Variants in SRBD1 observed in about 807,000 individuals in gnomAD.
SRBD1 encodes the protein S1 RNA-binding domain-containing protein 1.
In SRBD1, 88 loss-of-function variants were observed where a neutral mutation model predicts 115.3. That is an observed-to-expected ratio of 0.76 (90% CI 0.64 to 0.91). SRBD1 has a LOEUF of 0.91. SRBD1 is among the 40% of genes least tolerant of loss of function. The pLI, the probability that SRBD1 is intolerant of heterozygous loss-of-function variation, is 0.00. For missense variants in SRBD1, 1,385 were observed against 1,177.4 expected, an observed-to-expected ratio of 1.18 and a Z score of -2.58; for synonymous variants, 509 against 407.7, an observed-to-expected ratio of 1.25 and a Z score of -2.99.
chr2:45,412,367 T>C (rs959449063), intron 19 of SRBD1, among the ~76,000 whole-genome samples: 10 of 152,092 alleles, frequency 6.6e-5, no homozygotes, highest in African/African-American at 2.4e-4. Context: ...TATAATATAC[T>C]ATAGTCTTTT....
intron 14 of SRBD1, among the ~76,000 whole-genome samples, chr2:45,523,775 C>T (rs1671359177): frequency 6.6e-6 from 1 of 151,708 alleles, no homozygotes. Context: ...AATATCAATT[C>T]ACAAACTCTT....
intron 18 of SRBD1, 76 bp downstream of exon 18, chr2:45,418,289 C>T: frequency 6.6e-7 from 1 of 1,517,682 alleles, no homozygotes; most frequent in Non-Finnish European, 8.9e-7. Flanking sequence ...AAATTTTACA[C>T]TAATCAGTGG....
chr2:45,452,619 T>C (rs1044274529), intron 16 of SRBD1, among the ~76,000 whole-genome samples: 2 of 152,092 alleles, frequency 1.3e-5, no homozygotes, highest in African/African-American at 2.4e-5. Context: ...AAATATAAGA[T>C]AGCTAAGTCT....
chr2:45,599,345 A>G, intron 4 of SRBD1, 104 bp downstream of exon 4: 1 of 1,458,148 alleles, frequency 6.9e-7, no homozygotes, highest in Non-Finnish European at 9.2e-7. Context: ...AACTGAAGAG[A>G]GAATTGAAAA....
chr2:45,417,722 T>C (rs958675592), intron 18 of SRBD1, among the ~76,000 whole-genome samples: 5 of 152,228 alleles, frequency 3.3e-5, no homozygotes, highest in African/African-American at 1.2e-4. Context: ...TCCACACAAC[T>C]GATAATCAAT....
At chr2:45,471,792 CTT>C (rs1265605794) in intron 16 of SRBD1, among the ~76,000 whole-genome samples, 1 of 151,980 alleles carries the variant, frequency 6.6e-6, no homozygotes, top group Non-Finnish European at 1.5e-5. Flanking sequence ...TGTAGTGGCT[CTT>C]TACATATTTT....
chr2:45,462,142 G>C (rs556866458), intron 16 of SRBD1, among the ~76,000 whole-genome samples: 1 of 152,320 alleles, frequency 6.6e-6, no homozygotes, highest in South Asian at 2.1e-4. Flanking sequence ...TTTCTACAGA[G>C]CTAGGCTTTT....
At chr2:45,512,996 G>C (rs1671014410) in intron 14 of SRBD1, among the ~76,000 whole-genome samples, 1 of 152,044 alleles carries the variant, frequency 6.6e-6, no homozygotes, top group African/African-American at 2.4e-5. Context: ...ATTACCCCCA[G>C]AACACATGCC....
chr2:45,392,120 A>C (rs561259906), intron 20 of SRBD1, among the ~76,000 whole-genome samples: 1 of 152,194 alleles, frequency 6.6e-6, no homozygotes. Flanking sequence ...TTTTTCTTTA[A>C]CTTAAAAAAA....
chr2:45,599,147 T>G (rs928024242), intron 4 of SRBD1, among the ~76,000 whole-genome samples: 11 of 152,142 alleles, frequency 7.2e-5, no homozygotes, highest in African/African-American at 2.4e-4. Flanking sequence ...AGCAAAAACT[T>G]AACAATGAAC....
intron 16 of SRBD1, among the ~76,000 whole-genome samples, chr2:45,430,980 G>A (rs1668315354): frequency 6.6e-6 from 1 of 152,122 alleles, no homozygotes; most frequent in African/African-American, 2.4e-5. Flanking sequence ...AGTGGGTGAA[G>A]GATATAAACA....
chr2:45,414,779 C>CACACACATAGTGTGTATATAGTATGT lies in SRBD1; in HGVS notation c.2334-1512_2334-1487dup, dbSNP rs1377804252. The stretch of plus-strand genomic sequence containing the variant: ...ACACAGTGTGTATATAGTATGTACA[C>CACACACATAGTGTGTATATAGTATGT]ACACACATAGTGTGTATATAGTATG... On this transcript the variant is annotated intron_variant, in intron 18 of 20. Transcript: ENST00000263736. 5.3e-5 allele frequency among the ~76,000 whole-genome samples: 7 copies of CACACACATAGTGTGTATATAGTATGT among 131,804 alleles called. 1 individual carries two copies. The highest frequency in any genetic ancestry group is 2.4e-4 in the Admixed American group (3 of 12,756). The allele number at this position is 131,804 out of a possible 152,430, so 86.5% of individuals were successfully genotyped here.
At chr2:45,498,781 T>C (rs1044314559) in intron 14 of SRBD1, among the ~76,000 whole-genome samples, 1 of 152,206 alleles carries the variant, frequency 6.6e-6, no homozygotes, top group African/African-American at 2.4e-5. Flanking sequence ...TCAGTTAGCA[T>C]AATGGCCTCC....
intron 18 of SRBD1, among the ~76,000 whole-genome samples, chr2:45,417,032 G>A (rs1173594188): frequency 6.6e-6 from 1 of 152,132 alleles, no homozygotes; most frequent in Admixed American, 6.5e-5. Flanking sequence ...ACGGCTCCTG[G>A]CCTATGCTGT....
intron 14 of SRBD1, among the ~76,000 whole-genome samples, chr2:45,516,487 G>C (rs888239766): frequency 6.6e-6 from 1 of 152,114 alleles, no homozygotes; most frequent in African/African-American, 2.4e-5. Flanking sequence ...GAAAAAACAG[G>C]TATCACTGTT....
intron 14 of SRBD1, among the ~76,000 whole-genome samples, chr2:45,507,285 T>A (rs1177312045): frequency 2.0e-5 from 3 of 152,030 alleles, no homozygotes. Context: ...TTTTTTTCAA[T>A]CCACAGAAAA....
intron 16 of SRBD1, among the ~76,000 whole-genome samples, chr2:45,469,521 A>G (rs1669585850): frequency 1.3e-5 from 2 of 152,224 alleles, no homozygotes; most frequent in African/African-American, 2.4e-5. Context: ...TTTCTTTTAA[A>G]GATAAGTAAT....
At chr2:45,488,671 T>C (rs955302398) in intron 14 of SRBD1, among the ~76,000 whole-genome samples, 1 of 152,214 alleles carries the variant, frequency 6.6e-6, no homozygotes, top group African/African-American at 2.4e-5. Context: ...AGAATGCACA[T>C]AGCCTCTCCT....
At chr2:45,419,221 T>C (rs1667926245) in intron 17 of SRBD1, among the ~76,000 whole-genome samples, 1 of 152,208 alleles carries the variant, frequency 6.6e-6, no homozygotes, top group South Asian at 2.1e-4. Context: ...ACGGTCCAGA[T>C]CAGGGAATTT....
Sources: allele counts gnomAD v4.1 joint callset (sites outside exome capture counted in the v4.1 genomes callset), GRCh38; gene constraint gnomAD v4.1.1; transcripts MANE v1.5; gene names NCBI Gene and HGNC (gene_info 2026-07-23, HGNC 2026-07-21).